PARD6G: variants seen among roughly 807,000 people sequenced by gnomAD.
The protein encoded by PARD6G is par-6 family cell polarity regulator gamma, also known as partitioning defective 6 homolog gamma.
A neutral mutation model predicts 10.7 loss-of-function variants in PARD6G; 7 were observed. The ratio of observed to expected loss-of-function variants is 0.66; its 90% CI spans 0.37 to 1.23. The LOEUF is 1.23. PARD6G is among the 50% of genes most tolerant of loss of function. PARD6G has a pLI of 0.02. For missense variants in PARD6G, 548 were observed against 571.8 expected (o/e 0.96, Z 0.42); for synonymous variants, 287 against 269.4 (o/e 1.07, Z -0.64).
At chr18:80,163,180 T>C (rs755830052) in intron 2 of PARD6G, among the ~76,000 whole-genome samples, 2 of 152,120 alleles carry the variant, frequency 1.3e-5, no homozygotes, top group Non-Finnish European at 2.9e-5. Context: ...CAGGTGGCCA[T>C]CCACATGCTC....
chr18:80,160,532 C>A lies in PARD6G; in HGVS notation c.370G>T (p.Glu124Ter). ...AGGTGTGCACGCCGCCGGGGTCCTT[C>A]ATCACGCAGCGCGCCCAGCGCCCGC... is the stretch of plus-strand genomic sequence containing the variant. Reference protein sequence around the residue: ...RRRALGALRDEGPRRRAHLDI... With the variant: ...RRRALGALRD Residue 124 changes from glutamate to a stop codon, truncating the protein, a stop_gained, in exon 3 of 3, where the codon GAA becomes TAA. Coordinates refer to ENST00000353265, the MANE Select transcript of PARD6G (RefSeq NM_032510.4). LOFTEE classifies it low-confidence loss of function (END_TRUNC). 2 of 1,508,802 alleles carry A rather than the reference C, an allele frequency of 1.3e-6. No homozygotes were observed. Among genetic ancestry groups the A allele is most frequent in the Non-Finnish European group, 1.8e-6 (2 of 1,130,172 alleles). The allele number at this position is 1,508,802 out of a possible 1,614,324, so 93.5% of individuals were successfully genotyped here.
chr18:80,208,369 C>A (rs1231331512), intron 1 of PARD6G, among the ~76,000 whole-genome samples: 2 of 152,192 alleles, frequency 1.3e-5, no homozygotes, highest in African/African-American at 4.8e-5. Context: ...TCAGGGATCA[C>A]TATGAAAATG....
At chr18:80,219,326 A>C (rs1967205428) in intron 1 of PARD6G, among the ~76,000 whole-genome samples, 1 of 152,170 alleles carries the variant, frequency 6.6e-6, no homozygotes, top group Non-Finnish European at 1.5e-5. Context: ...CTCCTGCCTC[A>C]GCCACCTGAA....
chr18:80,188,232 A>G lies in PARD6G; in HGVS notation c.295+14478T>C, dbSNP rs1485625014. 3.3e-5 allele frequency among the ~76,000 whole-genome samples: 5 copies of G among 152,038 alleles called. No homozygotes were observed. The highest frequency in any genetic ancestry group is 1.2e-4 in the African/African-American group (5 of 41,392). On this transcript the variant is annotated intron_variant, in intron 2 of 2. Coordinates refer to ENST00000353265, the MANE Select transcript of PARD6G (RefSeq NM_032510.4). The surrounding 1 kb of genome is among the most constrained non-coding windows in gnomAD (Gnocchi z 5.4). ...AATTATGTGAACCTTCTTGGGTCCC[A>G]TGGCTGGCCCCACCCTGGCCTCTCC... is the stretch of plus-strand genomic sequence containing the variant.
At chr18:80,198,184 T>C (rs554257877) in intron 2 of PARD6G, among the ~76,000 whole-genome samples, 151 of 152,336 alleles carry the variant, frequency 9.9e-4, no homozygotes, top group African/African-American at 2.8e-3. Flanking sequence ...AAGTCATTCC[T>C]GGCCTGTCGT....
chr18:80,238,239 G>A (rs1418045345), intron 1 of PARD6G, among the ~76,000 whole-genome samples: 3 of 151,978 alleles, frequency 2.0e-5, no homozygotes, highest in Non-Finnish European at 4.4e-5. Flanking sequence ...ACTATCGAAA[G>A]GACAAAAAAC....
In PARD6G at chr18:80,188,451, G is replaced by C. The variant is rs901739766; in HGVS notation, c.295+14259C>G. On this transcript the variant is annotated intron_variant, in intron 2 of 2. Coordinates refer to ENST00000353265, the MANE Select transcript of PARD6G (RefSeq NM_032510.4). The surrounding 1 kb of genome is among the most constrained non-coding windows in gnomAD (Gnocchi z 5.4). ...CACCTCCTCATGGTGCCTTCCACCT[G>C]CAATTCCCGTCCTGGGCAGCAGAAG... 2.0e-5 allele frequency among the ~76,000 whole-genome samples: 3 copies of C among 152,126 alleles called. No homozygotes were observed. Among genetic ancestry groups the C allele is most frequent in the African/African-American group, 7.2e-5 (3 of 41,406 alleles).
intron 1 of PARD6G, among the ~76,000 whole-genome samples, chr18:80,238,397 T>A (rs1051150664): frequency 1.3e-5 from 2 of 151,642 alleles, no homozygotes; most frequent in Non-Finnish European, 2.9e-5. Context: ...TGTTAAATGA[T>A]GAGTTAATGG....
Position 80,160,055 on chromosome 18 carries a change from G to A in PARD6G, c.847C>T (p.Arg283Cys), listed in dbSNP as rs1341537571. Residue 283 changes from arginine to cysteine, a missense_variant, in exon 3 of 3, where the codon CGC becomes TGC. By Grantham distance (180) the Arg-to-Cys change is radical. Coordinates refer to ENST00000353265, the MANE Select transcript of PARD6G (RefSeq NM_032510.4). ...TCGGGGTGGAAGTTCTGCAGGACGCGCGGGGCGGGGGGACCCACGAAGCCC... is the reference window on the plus strand; with the variant it reads ...TCGGGGTGGAAGTTCTGCAGGACGCACGGGGCGGGGGGACCCACGAAGCCC... ...TAGFVGPPAP[R>C]VLQNFHPDEA... 12 of 1,549,426 alleles carry A rather than the reference G, an allele frequency of 7.7e-6. 1 individual carries two copies. The East Asian group carries it at 1.6e-4, about 20-fold the overall frequency.
intron 2 of PARD6G, among the ~76,000 whole-genome samples, chr18:80,190,998 C>T (rs920122819): frequency 6.6e-6 from 1 of 152,202 alleles, no homozygotes; most frequent in African/African-American, 2.4e-5. Flanking sequence ...TCTGGAGGCT[C>T]CATTAGACTC....
At chr18:80,166,717 C>T (rs937123784) in intron 2 of PARD6G, among the ~76,000 whole-genome samples, 7 of 151,720 alleles carry the variant, frequency 4.6e-5, no homozygotes, top group Non-Finnish European at 7.4e-5. Context: ...AGGGTCCTCA[C>T]TCCCCATGTC....
chr18:80,160,738 C>T (rs2052694794), intron 2 of PARD6G, 132 bp from the exon 3 acceptor site: 1 of 1,325,362 alleles, frequency 7.5e-7, no homozygotes, highest in Non-Finnish European at 9.8e-7. Flanking sequence ...GCATTCCAGA[C>T]CTGCAGGCTG....
chr18:80,171,790 T>C (rs1386556208), intron 2 of PARD6G: 1 of 152,216 alleles, frequency 6.6e-6, no homozygotes, highest in Non-Finnish European at 1.5e-5. Flanking sequence ...ATCCACATTG[T>C]ATAAGGAGTT....
At chr18:80,240,887 G>T (rs1967482508) in intron 1 of PARD6G, among the ~76,000 whole-genome samples, 1 of 152,094 alleles carries the variant, frequency 6.6e-6, no homozygotes, top group African/African-American at 2.4e-5. Context: ...AACCTTCACT[G>T]GTGTTTTTAA....
At chr18:80,215,534 T>C (rs1950484697) in intron 1 of PARD6G, among the ~76,000 whole-genome samples, 1 of 152,172 alleles carries the variant, frequency 6.6e-6, no homozygotes, top group Admixed American at 6.5e-5. Context: ...AAAATTTTTG[T>C]ATATAATTGA....
chr18:80,239,103 A>G (rs1367342854), intron 1 of PARD6G, among the ~76,000 whole-genome samples: 2 of 152,054 alleles, frequency 1.3e-5, no homozygotes, highest in African/African-American at 2.4e-5. Context: ...GCCACTGTCT[A>G]TGAAGTATGG....
At chr18:80,174,886 G>A (rs909266533) in intron 2 of PARD6G, among the ~76,000 whole-genome samples, 5 of 152,018 alleles carry the variant, frequency 3.3e-5, no homozygotes, top group African/African-American at 4.8e-5. Flanking sequence ...CCCGGGAGGC[G>A]GAGAGTGAGC....
chr18:80,177,330 GCA>G (rs1019259888), intron 2 of PARD6G, among the ~76,000 whole-genome samples: 20 of 120,808 alleles, frequency 1.7e-4, no homozygotes, highest in East Asian at 5.3e-4. Context: ...AATGGGAAGC[GCA>G]CACACACACA....
At chr18:80,212,199 C>T (rs1398932591) in intron 1 of PARD6G, among the ~76,000 whole-genome samples, 1 of 152,074 alleles carries the variant, frequency 6.6e-6, no homozygotes, top group Non-Finnish European at 1.5e-5. Flanking sequence ...CTAAATTGTC[C>T]AAGTCCTTGT....
Sources: allele counts gnomAD v4.1 joint callset (sites outside exome capture counted in the v4.1 genomes callset), GRCh38; gene constraint gnomAD v4.1.1; non-coding constraint Gnocchi (gnomAD v3.1); transcripts MANE v1.5; gene names NCBI Gene and HGNC (gene_info 2026-07-23, HGNC 2026-07-21).